Variants in DENND2B observed in about 807,000 individuals in gnomAD.
DENND2B encodes the protein DENN domain-containing protein 2B.
DENND2B carries 32 observed loss-of-function variants against 116.0 expected under a neutral mutation model. That is an observed-to-expected ratio of 0.28 (90% CI 0.21 to 0.37). The LOEUF is 0.37. DENND2B is among the 10% of genes least tolerant of loss of function. The pLI, the probability that DENND2B is intolerant of heterozygous loss-of-function variation, is 1.00. For missense variants in DENND2B, 1,276 were observed against 1,477.7 expected, an observed-to-expected ratio of 0.86 and a Z score of 2.24; for synonymous variants, 588 against 583.9, an observed-to-expected ratio of 1.01 and a Z score of -0.10.
At chr11:8,872,485 T>TAAA (rs398044981), upstream of DENND2B, among the ~76,000 whole-genome samples, 1 of 102,916 alleles carries the variant, frequency 9.7e-6, no homozygotes, top group Non-Finnish European at 1.9e-5. Context: ...AGACTCCGTC[T>TAAA]AAAAAAAAAA....
At chr11:8,861,036 CGAGAT>C (rs143792919) in intron 2 of DENND2B, among the ~76,000 whole-genome samples, 36,463 of 151,718 alleles carry the variant, frequency 0.24, 4,521 homozygotes, top group Middle Eastern at 0.37. Context: ...AAAATTAACT[CGAGAT>C]GGATCAAAGA....
intron 4 of DENND2B, chr11:8,719,235 G>T: frequency 1.0e-6 from 1 of 985,440 alleles, no homozygotes; most frequent in South Asian, 4.7e-5. Context: ...TATGCTTGCA[G>T]ATTCCTCCAT....
upstream of DENND2B, among the ~76,000 whole-genome samples, chr11:8,872,894 CTAAG>C (rs1212306143): frequency 1.3e-5 from 2 of 152,222 alleles, no homozygotes; most frequent in Non-Finnish European, 2.9e-5. Context: ...AACTCACAAT[CTAAG>C]TGAGTTTCTA....
intron 1 of DENND2B, among the ~76,000 whole-genome samples, chr11:8,903,419 G>GA (rs368257767): frequency 1.1e-4 from 6 of 52,194 alleles, no homozygotes; most frequent in East Asian, 5.2e-4. Flanking sequence ...TGTCTCAAAA[G>GA]AAAAAAAAAG....
At chr11:8,890,393 A>G (rs2064016840) in intron 1 of DENND2B, among the ~76,000 whole-genome samples, 1 of 152,242 alleles carries the variant, frequency 6.6e-6, no homozygotes, top group Non-Finnish European at 1.5e-5. Flanking sequence ...TGGATGGAGA[A>G]TGACTTTGAC....
intron 4 of DENND2B, among the ~76,000 whole-genome samples, chr11:8,829,771 G>C (rs1191036297): frequency 1.3e-5 from 2 of 152,076 alleles, no homozygotes; most frequent in African/African-American, 4.8e-5. Context: ...TGTGTGCTGG[G>C]AACAGTCGCT....
At chr11:8,834,108 G>C (rs2062324760) in intron 4 of DENND2B, among the ~76,000 whole-genome samples, 1 of 152,200 alleles carries the variant, frequency 6.6e-6, no homozygotes, top group Non-Finnish European at 1.5e-5. Flanking sequence ...CTTTGGAACG[G>C]GATGACACAT....
chr11:8,881,809 C>T (rs888058069), intron 1 of DENND2B, among the ~76,000 whole-genome samples: 3 of 152,098 alleles, frequency 2.0e-5, no homozygotes, highest in African/African-American at 4.8e-5. Context: ...CCTCCCAAAG[C>T]GCTGGGATTA....
At chr11:8,855,814 G>C (rs12419248) in intron 3 of DENND2B, among the ~76,000 whole-genome samples, 2,136 of 152,174 alleles carry the variant, frequency 0.014, 26 homozygotes, top group Middle Eastern at 0.041. Flanking sequence ...AAGGTGTAAA[G>C]GGCAAAGGGA....
At chr11:8,868,145 C>T (rs2063650135) in intron 2 of DENND2B, among the ~76,000 whole-genome samples, 1 of 152,204 alleles carries the variant, frequency 6.6e-6, no homozygotes, top group South Asian at 2.1e-4. Flanking sequence ...AGAGCAGCCC[C>T]GTGGTCACTC....
chr11:8,818,856 C>T (rs1398621580), intron 4 of DENND2B, among the ~76,000 whole-genome samples: 1 of 152,140 alleles, frequency 6.6e-6, no homozygotes, highest in Non-Finnish European at 1.5e-5. Flanking sequence ...CACCACAGAA[C>T]CTAGACCATT....
At chr11:8,845,086 GT>G (rs2062766346) in intron 3 of DENND2B, among the ~76,000 whole-genome samples, 1 of 152,030 alleles carries the variant, frequency 6.6e-6, no homozygotes, top group Non-Finnish European at 1.5e-5. Context: ...TCTGGATTGG[GT>G]TTTCATTATC....
chr11:8,732,966 T>G (rs2048358942), intron 2 of DENND2B, among the ~76,000 whole-genome samples: 2 of 152,206 alleles, frequency 1.3e-5, no homozygotes, highest in African/African-American at 4.8e-5. Flanking sequence ...GAGTCAGGGA[T>G]TGGCTGACAA....
chr11:8,784,940 A>G (rs780319990), intron 1 of DENND2B, among the ~76,000 whole-genome samples: 15 of 152,184 alleles, frequency 9.9e-5, no homozygotes, highest in Non-Finnish European at 1.8e-4. Context: ...CGAAACATCT[A>G]CAACTTGAAA....
intron 1 of DENND2B, chr11:8,909,741 A>G (rs1484219430): frequency 6.6e-6 from 1 of 152,170 alleles, no homozygotes; most frequent in Non-Finnish European, 1.5e-5. Context: ...GTCGGCTACT[A>G]CTCACCTGGT....
At chr11:8,863,278 A>G (rs1246747284) in intron 2 of DENND2B, among the ~76,000 whole-genome samples, 1 of 118,794 alleles carries the variant, frequency 8.4e-6, no homozygotes, top group East Asian at 2.4e-4. Context: ...TTTTTTTGAG[A>G]CCGAGTCTTG....
chr11:8,790,146 G>A (rs1303307014), intron 1 of DENND2B, among the ~76,000 whole-genome samples: 1 of 152,112 alleles, frequency 6.6e-6, no homozygotes, highest in Non-Finnish European at 1.5e-5. Flanking sequence ...CTTCTACCTG[G>A]AATGCCCCTC....
At chr11:8,717,710 A>T in intron 5 of DENND2B, 31 bp downstream of exon 5, 1 of 1,504,322 alleles carries the variant, frequency 6.6e-7, no homozygotes, top group South Asian at 1.4e-5. Context: ...CCTCACGCTA[A>T]CCCTACAGGC....
chr11:8,740,611 T>C (rs1474534375), intron 2 of DENND2B, among the ~76,000 whole-genome samples: 1 of 152,154 alleles, frequency 6.6e-6, no homozygotes, highest in African/African-American at 2.4e-5. Flanking sequence ...AGAGGTACCA[T>C]GAGTGCCATG....
Sources: gnomAD v4.1 joint callset for allele counts (sites outside exome capture counted in the v4.1 genomes callset) on GRCh38, gnomAD v4.1.1 for gene constraint, MANE v1.5 for transcripts, NCBI Gene and HGNC (gene_info 2026-07-23, HGNC 2026-07-21) for gene names.